The following MPDZ variants were observed in gnomAD, a reference collection of about 807,000 sequenced individuals.
MPDZ encodes multiple PDZ domain protein.
MPDZ carries 234 observed loss-of-function variants against 239.1 expected under a neutral mutation model. The ratio of observed to expected loss-of-function variants is 0.98; its 90% CI spans 0.88 to 1.09. The LOEUF (loss-of-function observed/expected upper bound fraction) is 1.09, where lower values mean the gene tolerates loss of function less well. Among genes scored for constraint, MPDZ ranks in the 50% least tolerant of loss-of-function variants. The pLI is 0.00. For synonymous variants in MPDZ, 1,048 were observed against 881.3 expected, an observed-to-expected ratio of 1.19 and a Z score of -3.35; for missense variants, 3,175 against 2,510.0, an observed-to-expected ratio of 1.26 and a Z score of -5.66.
intron 42 of MPDZ, 52 bp from the exon 43 acceptor site, chr9:13,112,198 CT>C (rs1286587540): frequency 2.7e-5 from 42 of 1,533,434 alleles, no homozygotes; most frequent in Non-Finnish European, 3.6e-5. Context: ...TTTCATTGAC[CT>C]TTTGTTTATT....
At chr9:13,137,850 C>G in intron 29 of MPDZ, 107 bp downstream of exon 29, 1 of 1,149,498 alleles carries the variant, frequency 8.7e-7, no homozygotes, top group Non-Finnish European at 1.2e-6. Flanking sequence ...ATTAAGCAAG[C>G]AATGGCTTTC....
At chr9:13,244,665 G>C (rs1484180737) in intron 3 of MPDZ, among the ~76,000 whole-genome samples, 1 of 152,024 alleles carries the variant, frequency 6.6e-6, no homozygotes, top group African/African-American at 2.4e-5. Context: ...TTACACACCT[G>C]TCAAGTGTTT....
intron 36 of MPDZ, among the ~76,000 whole-genome samples, 154 bp from the exon 37 acceptor site, chr9:13,122,324 T>C (rs1944473457): frequency 2.0e-5 from 3 of 152,130 alleles, no homozygotes; most frequent in Admixed American, 2.0e-4. Flanking sequence ...CAAGGGAAAG[T>C]GTAACAACAA....
rs561941755 is a variant in MPDZ, at chr9:13,221,253, T to C, written c.876+119A>G. 1.6e-5 allele frequency: 18 copies of C among 1,120,222 alleles called. No individual in the cohort carries two copies. In the African/African-American group the frequency reaches 2.0e-4, roughly 13 times the overall value. The allele number at this position is 1,120,222 out of a possible 1,614,324, so 69.4% of individuals were successfully genotyped here. A position where few individuals can be genotyped will look rare whatever the true frequency, so the allele number is the denominator to read the frequency against. ...GGACACTCAATAAAACGAAAGATTC[T>C]AACTCAATTTCTTTGGCATCATTTA... On this transcript the variant is annotated intron_variant, in intron 7 of 46. Coordinates refer to ENST00000319217, the MANE Select transcript of MPDZ (RefSeq NM_001378778.1).
intron 1 of MPDZ, among the ~76,000 whole-genome samples, chr9:13,250,966 T>C (rs918704635): frequency 1.3e-5 from 2 of 151,300 alleles, no homozygotes; most frequent in East Asian, 2.0e-4. Flanking sequence ...CCGTCTCTGC[T>C]ACAAATACAA....
At chr9:13,127,989 T>C (rs530432669) in intron 32 of MPDZ, among the ~76,000 whole-genome samples, 1 of 152,260 alleles carries the variant, frequency 6.6e-6, no homozygotes, top group African/African-American at 2.4e-5. Context: ...CAGTGGGTAT[T>C]TGCTGATTGT....
In MPDZ at chr9:13,136,303, C is replaced by G. The variant is rs973315372; in HGVS notation, c.4293-121G>C. On this transcript the variant is annotated intron_variant, in intron 30 of 46. Transcript: ENST00000319217. The stretch of plus-strand genomic sequence containing the variant: ...ACCCCCAAAACCTGGAACTGTGACA[C>G]TTACAAATTTACAAACGTTTTCTTT... The G allele has an allele frequency of 8.7e-6, 3 of 345,066 alleles. No individual in the cohort carries two copies. The African/African-American group carries it at 9.0e-5, about 10-fold the overall frequency. 21.4% of individuals were successfully genotyped at this position (345,066 alleles called of 1,614,324 possible).
rs1434613226 is a variant in MPDZ, at chr9:13,150,566, T to C, written c.3575A>G (p.Glu1192Gly). The stretch of plus-strand genomic sequence containing the variant: ...TCCATTTTTGCCAGCTGGACTATCT[T>C]CCAGAACATGTTTGATGAAAATGCC... ...MRGIFIKHVL[E>G]DSPAGKNGTL... Residue 1192 changes from glutamate to glycine, a missense_variant, in exon 25 of 47, where the codon GAA becomes GGA. By Grantham distance (98) the Glu-to-Gly change is moderately conservative (BLOSUM62 -2). Coordinates refer to ENST00000319217, the MANE Select transcript of MPDZ (RefSeq NM_001378778.1). 18 of 1,571,774 alleles carry C rather than the reference T, an allele frequency of 1.1e-5. No individual in the cohort carries two copies. The highest frequency in any genetic ancestry group is 1.7e-5 in the Admixed American group (1 of 57,208).
chr9:13,186,467 G>C, intron 17 of MPDZ, 81 bp from the exon 18 acceptor site: 1 of 967,992 alleles, frequency 1.0e-6, no homozygotes, highest in South Asian at 1.4e-5. Context: ...GTAAAGGTAG[G>C]AAAAGTGAGG....
Position 13,234,472 on chromosome 9 carries a change from G to C in MPDZ, c.184-9889C>G, listed in dbSNP as rs1248671710. On this transcript the variant is annotated intron_variant, in intron 3 of 46. Transcript: ENST00000319217. ...TTAGGATCAAACTTTATTTCATAAA[G>C]CATTTTTTGGTAGATTATCAAAATC... is the stretch of plus-strand genomic sequence containing the variant. 2.0e-5 allele frequency among the ~76,000 whole-genome samples: 3 copies of C among 151,934 alleles called. No homozygotes were observed. In the South Asian group the frequency reaches 6.2e-4, roughly 32 times the overall value.
rs775330884 is a variant in MPDZ, at chr9:13,219,678, T to C, written c.967A>G (p.Arg323Gly). ...AACTTAACTCTATTTCCACATTGCC[T>C]AAGGACTTGTGCTACTTGCTCACTG... ...MSSEQVAQVL[R>G]QCGNRVKLMI... Residue 323 changes from arginine (R) to glycine (G), a missense_variant, in exon 8 of 47, where the codon AGG becomes GGG. By Grantham distance (125) the Arg-to-Gly change is moderately radical. Transcript: ENST00000319217. 46 of 1,612,712 alleles carry C rather than the reference T, an allele frequency of 2.9e-5. No homozygotes were observed. Among genetic ancestry groups the C allele is most frequent in the Middle Eastern group, 1.6e-4 (1 of 6,080 alleles).
At chr9:13,249,408 G>A (rs562646575) in intron 2 of MPDZ, among the ~76,000 whole-genome samples, 1 of 152,080 alleles carries the variant, frequency 6.6e-6, no homozygotes, top group Non-Finnish European at 1.5e-5. Flanking sequence ...TTTACAGCAT[G>A]TGGGTTTAGT....
chr9:13,169,040 G>A (rs1951453084), intron 21 of MPDZ, among the ~76,000 whole-genome samples: 1 of 152,136 alleles, frequency 6.6e-6, no homozygotes, highest in South Asian at 2.1e-4. Context: ...TGGCTAATAT[G>A]TGCCAAGTAC....
chr9:13,218,844 C>T (rs1407056188), intron 8 of MPDZ, among the ~76,000 whole-genome samples: 1 of 151,764 alleles, frequency 6.6e-6, no homozygotes, highest in African/African-American at 2.4e-5. Flanking sequence ...TGTAGTCTTG[C>T]GACCTGTAAA....
chr9:13,275,118 C>G (rs926514427), intron 1 of MPDZ, among the ~76,000 whole-genome samples: 4 of 152,198 alleles, frequency 2.6e-5, no homozygotes, highest in Non-Finnish European at 4.4e-5. Context: ...GCCTCCAATA[C>G]GAGCTCACTG....
At chr9:13,111,977 C>G (rs761936332) in intron 43 of MPDZ, 47 bp downstream of exon 43, 2 of 1,602,892 alleles carry the variant, frequency 1.2e-6, no homozygotes, top group South Asian at 2.2e-5. Context: ...TATAAAAACA[C>G]TTCTGCACAT....
intron 28 of MPDZ, among the ~76,000 whole-genome samples, chr9:13,139,590 T>C (rs990020022): frequency 6.6e-6 from 1 of 152,180 alleles, no homozygotes; most frequent in Non-Finnish European, 1.5e-5. Context: ...CATTCTGGTA[T>C]AGAAAATACA....
chr9:13,180,901 T>G (rs746300046), intron 19 of MPDZ, among the ~76,000 whole-genome samples: 6 of 152,108 alleles, frequency 3.9e-5, no homozygotes, highest in Non-Finnish European at 7.4e-5. Flanking sequence ...ACCCCCAAAT[T>G]AGATAATTTT....
chr9:13,113,562 A>G (rs2131235774), intron 41 of MPDZ, among the ~76,000 whole-genome samples: 1 of 152,192 alleles, frequency 6.6e-6, no homozygotes, highest in South Asian at 2.1e-4. Context: ...GATCACATTA[A>G]TTTTCTCAAA....
Sources: gnomAD v4.1 joint callset for allele counts (sites outside exome capture counted in the v4.1 genomes callset) on GRCh38, gnomAD v4.1.1 for gene constraint, MANE v1.5 for transcripts, NCBI Gene and HGNC (gene_info 2026-07-23, HGNC 2026-07-21) for gene names.